NKAIN2: variants seen among roughly 807,000 people sequenced by gnomAD.
NKAIN2 encodes the protein sodium/potassium transporting ATPase interacting 2.
In NKAIN2, 14 loss-of-function variants were observed where a neutral mutation model predicts 32.6. That is an observed-to-expected ratio of 0.43 (90% CI 0.28 to 0.67). The LOEUF (loss-of-function observed/expected upper bound fraction) is 0.67. Ranked by LOEUF, NKAIN2 falls within the 30% of genes least tolerant of loss-of-function variation. The pLI is 0.17. For synonymous variants in NKAIN2, 80 were observed against 87.2 expected, an observed-to-expected ratio of 0.92 and a Z score of 0.46; for missense variants, 198 against 258.3, an observed-to-expected ratio of 0.77 and a Z score of 1.60.
chr6:124,444,528 G>A (rs544404094), intron 3 of NKAIN2, among the ~76,000 whole-genome samples: 1 of 152,098 alleles, frequency 6.6e-6, no homozygotes, highest in Admixed American at 6.6e-5. Context: ...AGAAATAGGA[G>A]TAACCGTATT....
intron 1 of NKAIN2, among the ~76,000 whole-genome samples, chr6:123,877,994 TG>T (rs1381524797): frequency 6.6e-6 from 1 of 151,980 alleles, no homozygotes; most frequent in African/African-American, 2.4e-5. Flanking sequence ...TGGGAGGCTG[TG>T]GGGGGCAGAT....
At chr6:124,367,216 T>A (rs555995775) in intron 3 of NKAIN2, among the ~76,000 whole-genome samples, 41 of 152,252 alleles carry the variant, frequency 2.7e-4, no homozygotes, top group Admixed American at 1.4e-3. Flanking sequence ...AAGTTGTTCT[T>A]ATCAATATAT....
At chr6:123,908,263 A>C (rs572178791) in intron 1 of NKAIN2, among the ~76,000 whole-genome samples, 1 of 152,280 alleles carries the variant, frequency 6.6e-6, no homozygotes, top group Non-Finnish European at 1.5e-5. Flanking sequence ...GAGTCTCAGA[A>C]TTGGTGAAAT....
rs545651596 is a variant in NKAIN2, at chr6:124,148,394, A to T, written c.55-134611A>T. 3.9e-5 allele frequency among the ~76,000 whole-genome samples: 6 copies of T among 152,058 alleles called. No homozygotes were observed. In the East Asian group the frequency reaches 1.2e-3, roughly 29 times the overall value. ...AAAAAGAAACTCCATCTCCATTAAC[A>T]TTCCTTCCTTATCTCCCCCCCGACC... On this transcript the variant is annotated intron_variant, in intron 1 of 6. Transcript: ENST00000368417.
At chr6:124,537,975 A>T (rs1346035876) in intron 3 of NKAIN2, among the ~76,000 whole-genome samples, 1 of 152,084 alleles carries the variant, frequency 6.6e-6, no homozygotes, top group East Asian at 1.9e-4. Flanking sequence ...ATATTTTCTA[A>T]GCAGTAAGTG....
intron 1 of NKAIN2, among the ~76,000 whole-genome samples, chr6:124,162,759 C>A (rs1442066491): frequency 6.6e-6 from 1 of 152,032 alleles, no homozygotes; most frequent in Non-Finnish European, 1.5e-5. Context: ...CTGTGACCTG[C>A]TAACTTACAC....
intron 1 of NKAIN2, among the ~76,000 whole-genome samples, chr6:124,093,262 GTT>G (rs1784509315): frequency 1.3e-5 from 2 of 152,092 alleles, no homozygotes; most frequent in Non-Finnish European, 2.9e-5. Flanking sequence ...CTCCTCTGCA[GTT>G]ACGGAGAATC....
intron 3 of NKAIN2, among the ~76,000 whole-genome samples, chr6:124,488,499 C>G (rs796789759): frequency 3.9e-5 from 6 of 152,100 alleles, no homozygotes; most frequent in African/African-American, 1.4e-4. Context: ...GATTATCCAC[C>G]CATTTTCCAG....
At chr6:124,435,343 A>T (rs1179388796) in intron 3 of NKAIN2, among the ~76,000 whole-genome samples, 1 of 152,148 alleles carries the variant, frequency 6.6e-6, no homozygotes, top group Non-Finnish European at 1.5e-5. Context: ...AGGAAGTCAG[A>T]TACACTCATA....
chr6:124,314,171 C>G (rs142762664), intron 2 of NKAIN2, among the ~76,000 whole-genome samples: 1 of 152,132 alleles, frequency 6.6e-6, no homozygotes, highest in East Asian at 1.9e-4. Context: ...TCTTTGTTTC[C>G]TAGCAGTCAA....
intron 3 of NKAIN2, among the ~76,000 whole-genome samples, chr6:124,639,503 G>T (rs180971272): frequency 2.0e-5 from 3 of 152,084 alleles, no homozygotes; most frequent in East Asian, 3.9e-4. Flanking sequence ...GCATGGTGGC[G>T]TGTGCCTGTA....
intron 4 of NKAIN2, among the ~76,000 whole-genome samples, chr6:124,670,643 TTCTGTGTGTGTGTGTGTGTGTG>T (rs1190059512): frequency 3.9e-5 from 4 of 102,204 alleles, no homozygotes; most frequent in South Asian, 5.6e-4. Context: ...AATCTTTGCT[TTCTGTGTGTGTGTGTGTGTGTG>T]TGTGTGTGTG....
intron 3 of NKAIN2, among the ~76,000 whole-genome samples, chr6:124,373,591 A>G (rs1164036107): frequency 6.6e-6 from 1 of 152,154 alleles, no homozygotes; most frequent in Non-Finnish European, 1.5e-5. Flanking sequence ...ATTATGCCCC[A>G]GGGCTCTGCA....
chr6:124,379,798 C>A (rs1772544442), intron 3 of NKAIN2, among the ~76,000 whole-genome samples: 1 of 152,130 alleles, frequency 6.6e-6, no homozygotes, highest in African/African-American at 2.4e-5. Flanking sequence ...ACTTGGCTTA[C>A]CTTTGTGAAA....
intron 1 of NKAIN2, among the ~76,000 whole-genome samples, chr6:124,261,785 G>A (rs1388815880): frequency 1.3e-5 from 2 of 151,798 alleles, no homozygotes; most frequent in South Asian, 2.1e-4. Context: ...TCTTGAATCC[G>A]GGAGGCAGAG....
At chr6:124,624,852 T>TAAG (rs921555722) in intron 3 of NKAIN2, among the ~76,000 whole-genome samples, 9 of 147,566 alleles carry the variant, frequency 6.1e-5, no homozygotes, top group African/African-American at 1.8e-4. Context: ...CAAATGGTTA[T>TAAG]AAGTTATTTA....
intron 3 of NKAIN2, among the ~76,000 whole-genome samples, chr6:124,480,179 A>C (rs576059129): frequency 6.6e-6 from 1 of 152,286 alleles, no homozygotes; most frequent in African/African-American, 2.4e-5. Context: ...GAGGTAATAA[A>C]ATTCTTTTTT....
rs1003887694 is a variant in NKAIN2 at position 124,762,577 on chromosome 6, C to T, written c.475-28762C>T. Among the ~76,000 whole-genome samples, 8 of 152,158 alleles carry T rather than the reference C, an allele frequency of 5.3e-5. No homozygotes were observed. In the South Asian group the frequency reaches 6.2e-4, roughly 12 times the overall value. ...ACTCTAAAGATTAGGTTACAATACACGATGCTTTTTGCTTTAGTTGGTTAG... is the reference window on the plus strand; with the variant it reads ...ACTCTAAAGATTAGGTTACAATACATGATGCTTTTTGCTTTAGTTGGTTAG... On this transcript the variant is annotated intron_variant, in intron 4 of 6. Transcript: ENST00000368417.
At chr6:123,959,457 G>A (rs758694264) in intron 1 of NKAIN2, among the ~76,000 whole-genome samples, 2 of 152,094 alleles carry the variant, frequency 1.3e-5, no homozygotes, top group African/African-American at 4.8e-5. Flanking sequence ...CACTGTACTC[G>A]CTTTACAATG....
Sources: gnomAD v4.1 joint callset for allele counts (sites outside exome capture counted in the v4.1 genomes callset) on GRCh38, gnomAD v4.1.1 for gene constraint, MANE v1.5 for transcripts, NCBI Gene and HGNC (gene_info 2026-07-23, HGNC 2026-07-21) for gene names.